SEMA3F: variants seen among roughly 807,000 people sequenced by gnomAD.
SEMA3F encodes semaphorin-3F.
SEMA3F carries 30 observed loss-of-function variants against 98.5 expected under a neutral mutation model. The observed-to-expected ratio is 0.30, with a 90% confidence interval of 0.23 to 0.41. The LOEUF is 0.41. SEMA3F is among the 10% of genes least tolerant of loss of function. The pLI is 1.00. For synonymous variants in SEMA3F, 380 were observed against 444.8 expected (o/e 0.85, Z 1.83); for missense variants, 866 against 1,119.3 (o/e 0.77, Z 3.23).
intron 13 of SEMA3F, 137 bp downstream of exon 13, chr3:50,184,951 C>A: frequency 1.5e-6 from 1 of 660,878 alleles, no homozygotes; most frequent in Non-Finnish European, 2.6e-6. Context: ...TCCTTTGGTG[C>A]CTTCTCCCTA....
rs1358284367 is a variant in SEMA3F at position 50,187,854 on chromosome 3, G to A, written c.2097G>A (p.Arg699=). The A allele has an allele frequency of 1.9e-6, 3 of 1,613,196 alleles. No homozygotes were observed. The highest frequency in any genetic ancestry group is 1.7e-5 in the Admixed American group (1 of 60,002). ...GAGTGCAGCTGCATGTACTGGGCCG[G>A]GACGCCGTCCATGCTGCCCTCTTCC... is the stretch of plus-strand genomic sequence containing the variant. ...VTRVQLHVLG[R]DAVHAALFPP... Residue 699 remains arginine, a synonymous_variant, in exon 19 of 19, where the codon CGG becomes CGA. Transcript: ENST00000002829.
rs756668699 is a variant in SEMA3F, at chr3:50,159,643, T to C, written c.21T>C (p.Leu7=). MLVAGL[L]LWASLLTGAW... is the part of the protein sequence containing the mutation. ...CCACAATGCTTGTCGCCGGTCTTCT[T>C]CTCTGGGCTTCCCTACTGACCGGGG... Residue 7 remains leucine (L), a synonymous_variant, in exon 2 of 19, where the codon CTT becomes CTC. Transcript: ENST00000002829. 1.9e-6 allele frequency: 3 copies of C among 1,612,080 alleles called. No individual in the cohort carries two copies. The highest frequency in any genetic ancestry group is 2.5e-6 in the Non-Finnish European group (3 of 1,179,038).
intron 7 of SEMA3F, among the ~76,000 whole-genome samples, chr3:50,178,458 T>G (rs1473284504): frequency 6.6e-6 from 1 of 151,846 alleles, no homozygotes; most frequent in Admixed American, 6.6e-5. Flanking sequence ...CAGTGGCTCA[T>G]GCCTGTAATC....
Position 50,186,413 on chromosome 3 carries a change from G to A in SEMA3F, c.1813+65G>A. 3 of 1,537,104 alleles carry A rather than the reference G, an allele frequency of 2.0e-6. No homozygotes were observed. In the East Asian group the frequency reaches 6.8e-5, roughly 35 times the overall value. ...TGCAGAAGTCCACGCAGCCCACGAA[G>A]CTGCTCACAGGGCCCCCACTGTAAG... On this transcript the variant is annotated intron_variant, in intron 17 of 18. Transcript: ENST00000002829.
In SEMA3F at chr3:50,175,145, C is replaced by A; in HGVS notation, c.506C>A (p.Ala169Asp). 1 of 1,609,966 alleles carries A rather than the reference C, an allele frequency of 6.2e-7. No homozygotes were observed. The highest frequency in any genetic ancestry group is 8.5e-7 in the Non-Finnish European group (1 of 1,178,668). ...GCGGTCAGAGGCCGCGGCAGCAGAG[C>A]CACGGATGGTGCCCTCCGCCCGATG... ...TQAVRGRGSR[A>D]TDGALRPMPT... Residue 169 changes from alanine to aspartate, a missense_variant, in exon 6 of 19, where the codon GCC (alanine) becomes GAC (aspartate). Ala to Asp is a moderately radical substitution (Grantham distance 126). This residue lies in a region of SEMA3F where 247 missense variants were observed against 276.0 expected (regional missense o/e 0.89). Coordinates refer to ENST00000002829, the MANE Select transcript of SEMA3F (RefSeq NM_004186.5).
In SEMA3F at chr3:50,167,085, C is replaced by T. The variant is rs3774744; in HGVS notation, c.113-6708C>T. Among the ~76,000 whole-genome samples, 3 of 152,284 alleles carry T rather than the reference C, an allele frequency of 2.0e-5. No homozygotes were observed. In the East Asian group the frequency reaches 5.8e-4, roughly 29 times the overall value. ...GATCTGCTTGTCTGGTCATCTTCTC[C>T]CACCCCCTGCTCAGGACCAGGTCTC... On this transcript the variant is annotated intron_variant, in intron 2 of 18. Transcript: ENST00000002829.
rs763857193 is a variant in SEMA3F at position 50,174,369 on chromosome 3, G to C, written c.456+19G>C. 52 of 1,604,646 alleles carry C rather than the reference G, an allele frequency of 3.2e-5. No individual in the cohort carries two copies. The highest frequency in any genetic ancestry group is 4.2e-5 in the Non-Finnish European group (49 of 1,174,724). ...CGCCCAGGTAAGCCCCAGCCACCCTGGCCCTGTGCTGCCCCCGCTGGTGGC... is the reference window on the plus strand; with the variant it reads ...CGCCCAGGTAAGCCCCAGCCACCCTCGCCCTGTGCTGCCCCCGCTGGTGGC... On this transcript the variant is annotated intron_variant, in intron 5 of 18. Coordinates refer to ENST00000002829, the MANE Select transcript of SEMA3F (RefSeq NM_004186.5).
In SEMA3F at chr3:50,188,909, T is replaced by C. The variant is rs1044210505; in HGVS notation, c.*794T>C. On this transcript the variant is annotated 3_prime_UTR_variant, in exon 19 of 19. Coordinates refer to ENST00000002829, the MANE Select transcript of SEMA3F (RefSeq NM_004186.5). The surrounding 1 kb of genome is among the most constrained non-coding windows in gnomAD (Gnocchi z 4.5). ...GTAGAGGCCTGGGGCCGGTAGAGGC[T>C]CCCCAGGGCTCCCTTATGTCCACCA... 6.6e-6 allele frequency: 1 copy of C among 152,122 alleles called. No homozygotes were observed. Among genetic ancestry groups the C allele is most frequent in the African/African-American group, 2.4e-5 (1 of 41,380 alleles). The allele number at this position is 152,122 out of a possible 1,614,324, so 9.4% of individuals were successfully genotyped here. A position where few individuals can be genotyped will look rare whatever the true frequency, so the allele number is the denominator to read the frequency against.
chr3:50,184,745 C>G lies in SEMA3F; in HGVS notation c.1387C>G (p.Leu463Val), dbSNP rs751136059. Residue 463 changes from leucine to valine, a missense_variant, in exon 13 of 19, where the codon CTT (leucine) becomes GTT (valine). Leu to Val is a conservative substitution (Grantham distance 32). Around this residue, in one of 3 missense-constraint regions of SEMA3F, gnomAD observed 374 missense variants for 582.8 expected, o/e 0.64. Coordinates refer to ENST00000002829, the MANE Select transcript of SEMA3F (RefSeq NM_004186.5). The stretch of plus-strand genomic sequence containing the variant: ...AGTCCGCACAGGTGCTCCCTACCGC[C>G]TTACCACTATTGCCGTGGACCAGGT... ...LVVRTGAPYR[L>V]TTIAVDQVDA... 1 of 1,614,162 alleles carries G rather than the reference C, an allele frequency of 6.2e-7. No individual in the cohort carries two copies. The highest frequency in any genetic ancestry group is 1.7e-5 in the Admixed American group (1 of 60,022).
rs1357018293 is a variant in SEMA3F, at chr3:50,187,829, G to A, written c.2072G>A (p.Arg691Gln). The change falls in exon 19 of 19, where the codon CGA (arginine) becomes CAA (glutamine). Residue 691 changes from arginine to glutamine, a missense_variant. Around this residue, in one of 3 missense-constraint regions of SEMA3F, gnomAD observed 245 missense variants for 260.5 expected, o/e 0.94. Transcript: ENST00000002829. ...AACAACTTTAAGCACGTCGTCACAC[G>A]AGTGCAGCTGCATGTACTGGGCCGG... ...TENNFKHVVT[R>Q]VQLHVLGRDA... 11 of 1,613,306 alleles carry A rather than the reference G, an allele frequency of 6.8e-6. No homozygotes were observed. Among genetic ancestry groups the A allele is most frequent in the East Asian group, 6.7e-5 (3 of 44,890 alleles).
intron 7 of SEMA3F, among the ~76,000 whole-genome samples, chr3:50,181,862 C>T (rs1478800227): frequency 6.6e-6 from 1 of 151,320 alleles, no homozygotes; most frequent in African/African-American, 2.4e-5. Context: ...TCAAATGATC[C>T]ACCCACCTGG....
At chr3:50,181,384 C>T (rs571742035) in intron 7 of SEMA3F, among the ~76,000 whole-genome samples, 1 of 147,008 alleles carries the variant, frequency 6.8e-6, no homozygotes, top group South Asian at 2.2e-4. Flanking sequence ...TGCAGTGGTG[C>T]GATCTCGGCT....
rs149188070 is a variant in SEMA3F, at chr3:50,164,671, T to G, written c.112+4937T>G. ...AAAACCCAGTTCTACCAGTGTTAGC[T>G]GTGTGAGTTCAGCCAAGTGGCTTAG... On this transcript the variant is annotated intron_variant, in intron 2 of 18. Transcript: ENST00000002829. 1.8e-3 allele frequency among the ~76,000 whole-genome samples: 281 copies of G among 152,336 alleles called. 2 individuals carry two copies. The highest frequency in any genetic ancestry group is 6.0e-3 in the African/African-American group (250 of 41,572).
chr3:50,173,761 G>T lies in SEMA3F; in HGVS notation c.113-32G>T, dbSNP rs368468478. On this transcript the variant is annotated intron_variant, in intron 2 of 18. Coordinates refer to ENST00000002829, the MANE Select transcript of SEMA3F (RefSeq NM_004186.5). The stretch of plus-strand genomic sequence containing the variant: ...GGTATGGCTGGATGGTTTCCTGAAG[G>T]TCCTAATTGGTGCCCTGCCCTCCAC... The T allele has an allele frequency of 1.2e-4, 193 of 1,606,966 alleles. No individual in the cohort carries two copies. The African/African-American group carries it at 2.3e-3, about 19-fold the overall frequency.
chr3:50,157,441 G>T (rs1481390165), intron 1 of SEMA3F, among the ~76,000 whole-genome samples: 1 of 152,020 alleles, frequency 6.6e-6, no homozygotes, highest in African/African-American at 2.4e-5. Context: ...TGGGCTCCCA[G>T]GTGGCGGTGG....
rs529598218 is a variant in SEMA3F at position 50,185,824 on chromosome 3, C to T, written c.1588-65C>T. 2.0e-5 allele frequency: 32 copies of T among 1,605,224 alleles called. No homozygotes were observed. In the East Asian group the frequency reaches 6.9e-4, roughly 35 times the overall value. ...ATGGAACAGGGGAGAGGAGCCCAGC[C>T]TAGCTGGCTGTTGGTGGGGCTGGCT... is the stretch of plus-strand genomic sequence containing the variant. On this transcript the variant is annotated intron_variant, in intron 15 of 18. Coordinates refer to ENST00000002829, the MANE Select transcript of SEMA3F (RefSeq NM_004186.5).
At chr3:50,163,677 C>T (rs894468447) in intron 2 of SEMA3F, among the ~76,000 whole-genome samples, 9 of 152,178 alleles carry the variant, frequency 5.9e-5, no homozygotes, top group Admixed American at 1.3e-4. Flanking sequence ...GCTCTTGCCC[C>T]CCAGGGGCTC....
chr3:50,157,625 C>G (rs529852759), intron 1 of SEMA3F, among the ~76,000 whole-genome samples: 1 of 152,166 alleles, frequency 6.6e-6, no homozygotes, highest in Non-Finnish European at 1.5e-5. Context: ...CTTCTTTCCC[C>G]CACCTGCCAG....
chr3:50,178,058 A>G (rs1177026208), intron 7 of SEMA3F, among the ~76,000 whole-genome samples: 4 of 152,192 alleles, frequency 2.6e-5, no homozygotes, highest in African/African-American at 4.8e-5. Context: ...CCTGGCCAAC[A>G]TGGTGAAACC....
Sources: allele counts gnomAD v4.1 joint callset (sites outside exome capture counted in the v4.1 genomes callset), GRCh38; gene constraint gnomAD v4.1.1; regional missense constraint gnomAD v4.1.1; non-coding constraint Gnocchi (gnomAD v3.1); transcripts MANE v1.5; gene names NCBI Gene and HGNC (gene_info 2026-07-23, HGNC 2026-07-21).